Variants in ARHGAP31 observed in about 807,000 individuals in gnomAD.
ARHGAP31 encodes the protein Rho GTPase activating protein 31.
ARHGAP31 carries 34 observed loss-of-function variants against 113.9 expected under a neutral mutation model. The observed-to-expected ratio is 0.30, with a 90% CI of 0.23 to 0.40. The LOEUF (loss-of-function observed/expected upper bound fraction) is 0.40. ARHGAP31 is among the 10% of genes least tolerant of loss of function. ARHGAP31 has a pLI of 1.00. For synonymous variants in ARHGAP31, 650 were observed against 684.8 expected, an observed-to-expected ratio of 0.95 and a Z score of 0.79; for missense variants, 1,548 against 1,767.1, an observed-to-expected ratio of 0.88 and a Z score of 2.22.
chr3:119,363,739 A>G (rs2080230357), intron 1 of ARHGAP31, among the ~76,000 whole-genome samples: 1 of 152,202 alleles, frequency 6.6e-6, no homozygotes, highest in African/African-American at 2.4e-5. Flanking sequence ...AGGCATGAGT[A>G]TATGTAATAA....
chr3:119,353,912 T>C (rs1409126484), intron 1 of ARHGAP31, among the ~76,000 whole-genome samples: 2 of 152,174 alleles, frequency 1.3e-5, no homozygotes, highest in African/African-American at 4.8e-5. Flanking sequence ...TTCCTCTAGA[T>C]GGGCCCTCAG....
intron 1 of ARHGAP31, among the ~76,000 whole-genome samples, chr3:119,361,903 A>T (rs1357399352): frequency 2.6e-5 from 4 of 152,240 alleles, no homozygotes; most frequent in Non-Finnish European, 5.9e-5. Flanking sequence ...CTTCACAGTG[A>T]TTGGGACCAT....
chr3:119,350,349 A>G (rs1280538277), intron 1 of ARHGAP31, among the ~76,000 whole-genome samples: 1 of 152,200 alleles, frequency 6.6e-6, no homozygotes, highest in African/African-American at 2.4e-5. Context: ...GCTGGGGCAC[A>G]GCGAGGAACT....
chr3:119,333,477 A>T (rs926496228), intron 1 of ARHGAP31, among the ~76,000 whole-genome samples: 3 of 152,174 alleles, frequency 2.0e-5, no homozygotes, highest in African/African-American at 7.2e-5. Context: ...TATTCTTTTT[A>T]AAAGTATTTC....
rs185435291 is a variant in ARHGAP31, at chr3:119,347,065, C to A, written c.101-18251C>A. ...AAATAAATATAGATCTGGGAAGAGA[C>A]AAAAAGCACTACAGACTAGGGTACA... On this transcript the variant is annotated intron_variant, in intron 1 of 11. Coordinates refer to ENST00000264245, the MANE Select transcript of ARHGAP31 (RefSeq NM_020754.4). Among the ~76,000 whole-genome samples the A allele has an allele frequency of 1.1e-4, 17 of 152,262 alleles. No individual in the cohort carries two copies. The East Asian group carries it at 1.4e-3, about 12-fold the overall frequency.
intron 3 of ARHGAP31, among the ~76,000 whole-genome samples, chr3:119,374,612 G>C (rs1378197043): frequency 6.6e-6 from 1 of 152,166 alleles, no homozygotes; most frequent in Non-Finnish European, 1.5e-5. Flanking sequence ...TCATGATAGT[G>C]AATGAGTTCT....
At position 119,369,467 on chromosome 3, in the gene ARHGAP31, G is replaced by A. The variant is rs76659187; in HGVS notation, c.348+951G>A. 9.3e-4 allele frequency among the ~76,000 whole-genome samples: 142 copies of A among 152,310 alleles called. No homozygotes were observed. The East Asian group carries it at 0.01, about 11-fold the overall frequency. On this transcript the variant is annotated intron_variant, in intron 3 of 11. Transcript: ENST00000264245. The stretch of plus-strand genomic sequence containing the variant: ...GGATGTTTGAAAGTGAGACTATGGC[G>A]AGGTTACAGTTTTGGGTAAGGACCA...
At chr3:119,372,280 CTTTTTTTTTT>C (rs758369404) in intron 3 of ARHGAP31, among the ~76,000 whole-genome samples, 107 of 128,978 alleles carry the variant, frequency 8.3e-4, no homozygotes, top group Non-Finnish European at 9.7e-5. Flanking sequence ...TTATTTCTGA[CTTTTTTTTTT>C]TTTTTTTTTT....
Position 119,327,230 on chromosome 3 carries a change from G to C in ARHGAP31, c.100+32226G>C, listed in dbSNP as rs1278728093. On this transcript the variant is annotated intron_variant, in intron 1 of 11. Coordinates refer to ENST00000264245, the MANE Select transcript of ARHGAP31 (RefSeq NM_020754.4). ...CCTTTATTTAAATAGAATTTAAAGG[G>C]GCTTGACCACTCCATTTAAATTGCA... Among the ~76,000 whole-genome samples the C allele has an allele frequency of 2.0e-5, 3 of 152,094 alleles. No individual in the cohort carries two copies. In the South Asian group the frequency reaches 6.2e-4, roughly 32 times the overall value.
intron 1 of ARHGAP31, among the ~76,000 whole-genome samples, chr3:119,348,294 A>G (rs2080079647): frequency 6.6e-6 from 1 of 152,262 alleles, no homozygotes; most frequent in South Asian, 2.1e-4. Flanking sequence ...AAAGTACACA[A>G]TAAAGGTAAT....
At chr3:119,333,457 A>T (rs1479921997) in intron 1 of ARHGAP31, among the ~76,000 whole-genome samples, 1 of 151,894 alleles carries the variant, frequency 6.6e-6, no homozygotes, top group Non-Finnish European at 1.5e-5. Flanking sequence ...CATTACGTTT[A>T]CTCCAGCTAT....
intron 7 of ARHGAP31, among the ~76,000 whole-genome samples, chr3:119,392,742 A>G (rs1189093754): frequency 6.6e-6 from 1 of 152,132 alleles, no homozygotes; most frequent in Admixed American, 6.5e-5. Context: ...CTCTGCAGTG[A>G]TCATTGACCA....
In ARHGAP31 at chr3:119,337,392, G is replaced by A. The variant is rs927862197; in HGVS notation, c.101-27924G>A. ...TCTCGCTGACTTCAGGAGTGAAGCT[G>A]CAGACCTTTGTGGTGAGTGTTACAG... is the stretch of plus-strand genomic sequence containing the variant. On this transcript the variant is annotated intron_variant, in intron 1 of 11. Coordinates refer to ENST00000264245, the MANE Select transcript of ARHGAP31 (RefSeq NM_020754.4). 5.3e-5 allele frequency among the ~76,000 whole-genome samples: 8 copies of A among 152,286 alleles called. No individual in the cohort carries two copies. In the East Asian group the frequency reaches 9.6e-4, roughly 18 times the overall value.
Position 119,368,535 on chromosome 3 carries a change from A to C in ARHGAP31, c.348+19A>C, listed in dbSNP as rs200619820. ...ATTCACGGTGAGTGTTTGGATTTCCATTATGGTTACTGGGTGGGATGCATG... is the reference window on the plus strand; with the variant it reads ...ATTCACGGTGAGTGTTTGGATTTCCCTTATGGTTACTGGGTGGGATGCATG... On this transcript the variant is annotated intron_variant, in intron 3 of 11. Coordinates refer to ENST00000264245, the MANE Select transcript of ARHGAP31 (RefSeq NM_020754.4). The C allele has an allele frequency of 6.2e-7, 1 of 1,613,896 alleles. No individual in the cohort carries two copies. Among genetic ancestry groups the C allele is most frequent in the African/African-American group, 1.3e-5 (1 of 74,888 alleles).
At chr3:119,374,139 G>C (rs1577017514) in intron 3 of ARHGAP31, among the ~76,000 whole-genome samples, 2 of 152,210 alleles carry the variant, frequency 1.3e-5, no homozygotes, top group Admixed American at 6.5e-5. Context: ...ATGTTAAAGT[G>C]TAATCTCTAA....
Position 119,414,921 on chromosome 3 carries a change from G to A in ARHGAP31, c.2992G>A (p.Gly998Arg). The A allele has an allele frequency of 1.2e-6, 2 of 1,614,164 alleles. No homozygotes were observed. Among genetic ancestry groups the A allele is most frequent in the South Asian group, 1.1e-5 (1 of 91,088 alleles). The change falls in exon 12 of 12, where the codon GGA becomes AGA. Residue 998 changes from glycine (G) to arginine (R), a missense_variant. Transcript: ENST00000264245. The stretch of plus-strand genomic sequence containing the variant: ...CCAGGCACCCAGGAGAGAGATTACT[G>A]GATGGGATGAGAAAGCCCTGAGGTC... ...QPQAPRREITGWDEKALRSFR... is the reference protein window; with the variant it reads ...QPQAPRREITRWDEKALRSFR...
chr3:119,381,046 C>T (rs1000463228), intron 4 of ARHGAP31, 60 bp downstream of exon 4: 8 of 1,482,532 alleles, frequency 5.4e-6, no homozygotes, highest in Admixed American at 5.1e-5. Context: ...ACCAAAGAGA[C>T]AGGCTGGCAT....
intron 1 of ARHGAP31, among the ~76,000 whole-genome samples, chr3:119,309,457 C>CA (rs1274080807): frequency 3.3e-5 from 5 of 152,028 alleles, no homozygotes; most frequent in African/African-American, 4.8e-5. Flanking sequence ...CCTAGGAGGT[C>CA]AGAGAAGAAA....
intron 11 of ARHGAP31, among the ~76,000 whole-genome samples, chr3:119,410,147 T>C (rs1480148830): frequency 6.6e-6 from 1 of 152,092 alleles, no homozygotes; most frequent in African/African-American, 2.4e-5. Context: ...AGTCACAGAG[T>C]CCAGCCTTCT....
Sources: allele counts gnomAD v4.1 joint callset (sites outside exome capture counted in the v4.1 genomes callset), GRCh38; gene constraint gnomAD v4.1.1; transcripts MANE v1.5; gene names NCBI Gene and HGNC (gene_info 2026-07-23, HGNC 2026-07-21).